LRBA: variants seen among roughly 807,000 people sequenced by gnomAD.
LRBA encodes the protein lipopolysaccharide-responsive and beige-like anchor protein.
LRBA carries 176 observed loss-of-function variants against 330.0 expected under a neutral mutation model. The observed-to-expected ratio is 0.53, with a 90% CI of 0.47 to 0.60. The LOEUF (loss-of-function observed/expected upper bound fraction) is 0.60, where lower values mean the gene tolerates loss of function less well. Among genes scored for constraint, LRBA ranks in the 20% least tolerant of loss-of-function variants. The pLI is 0.00. For missense variants in LRBA, 3,259 were observed against 3,444.8 expected (o/e 0.95, Z 1.35); for synonymous variants, 1,230 against 1,193.0 (o/e 1.03, Z -0.64).
At chr4:150,620,224 T>A (rs1776163386) in intron 37 of LRBA, among the ~76,000 whole-genome samples, 1 of 152,060 alleles carries the variant, frequency 6.6e-6, no homozygotes, top group Admixed American at 6.6e-5. Flanking sequence ...TCACTAATCA[T>A]CACAGAAATG....
chr4:150,279,930 T>C (rs1747290218), intron 55 of LRBA, among the ~76,000 whole-genome samples: 1 of 152,214 alleles, frequency 6.6e-6, no homozygotes, highest in African/African-American at 2.4e-5. Context: ...TTCATTTGAA[T>C]TTGATACTTG....
intron 2 of LRBA, among the ~76,000 whole-genome samples, chr4:150,974,080 ATC>A (rs889878318): frequency 1.9e-4 from 29 of 152,226 alleles, no homozygotes; most frequent in Admixed American, 8.5e-4. Context: ...ACCAGATTTA[ATC>A]TCTCACCATA....
At chr4:150,965,619 A>T (rs1465907090) in intron 2 of LRBA, among the ~76,000 whole-genome samples, 8 of 152,062 alleles carry the variant, frequency 5.3e-5, no homozygotes, top group African/African-American at 1.9e-4. Context: ...AGCTCACTGT[A>T]GCCACAACCT....
chr4:150,543,570 A>G (rs974287293), intron 40 of LRBA, among the ~76,000 whole-genome samples: 2 of 152,226 alleles, frequency 1.3e-5, no homozygotes, highest in African/African-American at 4.8e-5. Context: ...TTTTCTGAAT[A>G]GAAATTGGGG....
chr4:150,373,150 T>C (rs1241865249), intron 47 of LRBA, among the ~76,000 whole-genome samples: 1 of 147,922 alleles, frequency 6.8e-6, no homozygotes, highest in Non-Finnish European at 1.5e-5. Context: ...TGTGTGTGTG[T>C]GTGTGTGTGT....
chr4:150,622,256 G>T (rs1034214271), intron 37 of LRBA, among the ~76,000 whole-genome samples: 21 of 152,094 alleles, frequency 1.4e-4, no homozygotes, highest in Admixed American at 3.3e-4. Context: ...GAAATTATGA[G>T]GAATTTCTAA....
intron 35 of LRBA, among the ~76,000 whole-genome samples, chr4:150,745,726 G>A (rs1732613754): frequency 6.6e-6 from 1 of 152,100 alleles, no homozygotes; most frequent in Non-Finnish European, 1.5e-5. Flanking sequence ...ATGTTGGCCA[G>A]GATGTTCTCG....
chr4:150,906,089 C>A, intron 12 of LRBA, 99 bp from the exon 13 acceptor site: 2 of 1,050,956 alleles, frequency 1.9e-6, no homozygotes, highest in Admixed American at 2.1e-5. Context: ...ACAAATTATG[C>A]TCAAAGTTAA....
intron 2 of LRBA, among the ~76,000 whole-genome samples, chr4:151,000,320 A>G (rs1395453796): frequency 6.6e-6 from 1 of 152,246 alleles, no homozygotes; most frequent in Non-Finnish European, 1.5e-5. Context: ...TCACAATTAC[A>G]TGGATAGAAG....
At chr4:150,584,440 T>C in intron 40 of LRBA, 1 of 100,716 alleles carries the variant, frequency 9.9e-6, no homozygotes, top group East Asian at 3.7e-4. Flanking sequence ...CCCTTTTCCT[T>C]CTTTCCCCCT....
chr4:150,917,490 A>G (rs1449627682), intron 5 of LRBA, among the ~76,000 whole-genome samples: 1 of 152,212 alleles, frequency 6.6e-6, no homozygotes, highest in South Asian at 2.1e-4. Context: ...AACTACAAAT[A>G]TAAAACTGAA....
chr4:150,790,468 A>G (rs1200877179), intron 34 of LRBA, among the ~76,000 whole-genome samples: 1 of 152,234 alleles, frequency 6.6e-6, no homozygotes, highest in African/African-American at 2.4e-5. Context: ...AAAGAAAAAA[A>G]AAGTACTTTA....
chr4:150,525,628 T>C (rs1041231844), intron 40 of LRBA, among the ~76,000 whole-genome samples: 4 of 152,182 alleles, frequency 2.6e-5, no homozygotes, highest in African/African-American at 4.8e-5. Flanking sequence ...CAAAGTATCA[T>C]GGCACAGGCT....
chr4:150,323,318 A>C (rs1732802245), intron 49 of LRBA, among the ~76,000 whole-genome samples: 1 of 152,178 alleles, frequency 6.6e-6, no homozygotes, highest in African/African-American at 2.4e-5. Context: ...ATATTTACGA[A>C]AGTCAATTTA....
chr4:150,516,506 T>C (rs987587399), intron 40 of LRBA, among the ~76,000 whole-genome samples: 6 of 152,070 alleles, frequency 3.9e-5, no homozygotes, highest in African/African-American at 1.2e-4. Flanking sequence ...TAAAGTCAAA[T>C]AGTGAAAGAT....
At position 150,436,726 on chromosome 4, in the gene LRBA, T is replaced by C; in HGVS notation, c.6919A>G (p.Ile2307Val). ...TGTATTATTCAAATTGAACTTACTA[T>C]TCTTAGCAGCCATGCAAGAACAAAA... ...ASFVLAWLLR[I>V]EPFTTYFLNL... Residue 2307 changes from isoleucine to valine, a missense_variant and splice_region_variant, in exon 45 of 57, where the codon ATA becomes GTA. By Grantham distance (29) the Ile-to-Val change is conservative. Coordinates refer to ENST00000651943, the MANE Select transcript of LRBA (RefSeq NM_001364905.1). The C allele has an allele frequency of 1.2e-6, 2 of 1,611,694 alleles. No individual in the cohort carries two copies. The highest frequency in any genetic ancestry group is 1.7e-6 in the Non-Finnish European group (2 of 1,178,460).
chr4:150,584,850 A>C (rs903525570), intron 40 of LRBA, among the ~76,000 whole-genome samples: 1 of 152,214 alleles, frequency 6.6e-6, no homozygotes, highest in Non-Finnish European at 1.5e-5. Flanking sequence ...TTGACTGTAT[A>C]AGTTCCGACC....
intron 47 of LRBA, among the ~76,000 whole-genome samples, chr4:150,404,200 T>A (rs1260221599): frequency 6.6e-6 from 1 of 152,138 alleles, no homozygotes; most frequent in Non-Finnish European, 1.5e-5. Flanking sequence ...GTTATGGACA[T>A]GACTGAATCT....
chr4:150,794,997 A>T (rs1740572649), intron 34 of LRBA, among the ~76,000 whole-genome samples: 1 of 152,198 alleles, frequency 6.6e-6, no homozygotes, highest in East Asian at 1.9e-4. Flanking sequence ...AGCCATACAC[A>T]TTATTTATTT....
Sources: allele counts gnomAD v4.1 joint callset (sites outside exome capture counted in the v4.1 genomes callset), GRCh38; gene constraint gnomAD v4.1.1; transcripts MANE v1.5; gene names NCBI Gene and HGNC (gene_info 2026-07-23, HGNC 2026-07-21).